The following IQCJ variants were observed in gnomAD, a reference collection of about 807,000 sequenced individuals.
IQCJ encodes IQ motif containing J.
In IQCJ, 9 loss-of-function variants were observed where a neutral mutation model predicts 11.0. The ratio of observed to expected loss-of-function variants is 0.82; its 90% CI spans 0.49 to 1.43. IQCJ has a LOEUF of 1.43. IQCJ is among the 40% of genes most tolerant of loss of function. The pLI is 0.00. For missense variants in IQCJ, 146 were observed against 133.2 expected, an observed-to-expected ratio of 1.10 and a Z score of -0.47; for synonymous variants, 55 against 51.3, an observed-to-expected ratio of 1.07 and a Z score of -0.31.
At chr3:159,119,538 A>G (rs1357918892) in intron 1 of IQCJ, among the ~76,000 whole-genome samples, 4 of 152,228 alleles carry the variant, frequency 2.6e-5, no homozygotes, top group African/African-American at 9.6e-5. Flanking sequence ...GAAGATGTTT[A>G]CTAGTAAAAC....
At chr3:159,221,296 A>G (rs1282587333) in intron 1 of IQCJ, among the ~76,000 whole-genome samples, 2 of 152,178 alleles carry the variant, frequency 1.3e-5, no homozygotes, top group African/African-American at 4.8e-5. Context: ...ATTTAATAAT[A>G]TAATCAATAT....
intron 1 of IQCJ, among the ~76,000 whole-genome samples, chr3:159,166,187 G>A (rs1722158807): frequency 6.6e-6 from 1 of 151,884 alleles, no homozygotes; most frequent in African/African-American, 2.4e-5. Flanking sequence ...AATACCAGCA[G>A]CATGTGATAA....
chr3:159,239,298 T>C (rs1237138705), intron 1 of IQCJ, among the ~76,000 whole-genome samples: 1 of 152,210 alleles, frequency 6.6e-6, no homozygotes, highest in Admixed American at 6.5e-5. Flanking sequence ...ATTGACCTTA[T>C]GTTTAATATG....
At chr3:159,168,882 C>T (rs1722325401) in intron 1 of IQCJ, among the ~76,000 whole-genome samples, 1 of 151,958 alleles carries the variant, frequency 6.6e-6, no homozygotes, top group Non-Finnish European at 1.5e-5. Flanking sequence ...AGTTACTCTT[C>T]CATGGGAATT....
intron 1 of IQCJ, among the ~76,000 whole-genome samples, chr3:159,133,194 G>A (rs1384490039): frequency 6.6e-6 from 1 of 152,186 alleles, no homozygotes; most frequent in African/African-American, 2.4e-5. Context: ...GTGGTTCTCA[G>A]GGAAAACCAG....
intron 1 of IQCJ, among the ~76,000 whole-genome samples, chr3:159,073,376 T>C (rs530726364): frequency 6.6e-6 from 1 of 152,060 alleles, no homozygotes; most frequent in East Asian, 1.9e-4. Context: ...ACAAAATGTA[T>C]CATAGGAACT....
At chr3:159,134,550 A>C (rs1720177388) in intron 1 of IQCJ, among the ~76,000 whole-genome samples, 1 of 152,186 alleles carries the variant, frequency 6.6e-6, no homozygotes, top group South Asian at 2.1e-4. Context: ...TTATACAAAG[A>C]AGAGTATACA....
intron 1 of IQCJ, among the ~76,000 whole-genome samples, chr3:159,229,964 A>G (rs1726147599): frequency 6.8e-6 from 1 of 146,124 alleles, no homozygotes; most frequent in Non-Finnish European, 1.5e-5. Flanking sequence ...CATGTGTAGG[A>G]TTGTTACATG....
intron 1 of IQCJ, among the ~76,000 whole-genome samples, chr3:159,152,983 C>G (rs1449155124): frequency 6.6e-6 from 1 of 152,130 alleles, no homozygotes; most frequent in Non-Finnish European, 1.5e-5. Flanking sequence ...TACTTCATAA[C>G]TGAAAAAATT....
chr3:159,079,656 G>A (rs1716177220), intron 1 of IQCJ, among the ~76,000 whole-genome samples: 1 of 151,966 alleles, frequency 6.6e-6, no homozygotes, highest in Non-Finnish European at 1.5e-5. Context: ...AGCACTGAAT[G>A]CACAGTTTAT....
chr3:159,094,005 C>T (rs750016276), intron 1 of IQCJ, among the ~76,000 whole-genome samples: 6 of 151,774 alleles, frequency 4.0e-5, no homozygotes, highest in Admixed American at 6.5e-5. Context: ...CAGTAAGAAG[C>T]CTTTGTCAGT....
At chr3:159,116,325 A>G (rs991793734) in intron 1 of IQCJ, among the ~76,000 whole-genome samples, 2 of 152,046 alleles carry the variant, frequency 1.3e-5, no homozygotes, top group African/African-American at 2.4e-5. Flanking sequence ...TAATCTTTCA[A>G]AATTCTCACT....
intron 1 of IQCJ, among the ~76,000 whole-genome samples, chr3:159,162,465 T>C (rs1172894107): frequency 6.6e-6 from 1 of 152,222 alleles, no homozygotes; most frequent in African/African-American, 2.4e-5. Flanking sequence ...TATACAATCA[T>C]GTCATCTGCA....
intron 1 of IQCJ, among the ~76,000 whole-genome samples, chr3:159,159,484 C>T (rs1721713667): frequency 6.6e-6 from 1 of 152,142 alleles, no homozygotes. Context: ...GTCAATACAG[C>T]TAGATAGTTA....
chr3:159,201,412 G>A (rs575915458), intron 1 of IQCJ, among the ~76,000 whole-genome samples: 1 of 152,128 alleles, frequency 6.6e-6, no homozygotes, highest in East Asian at 1.9e-4. Flanking sequence ...GAAAAAATGC[G>A]ACTTAGAAAA....
At chr3:159,126,318 A>G (rs1719676555) in intron 1 of IQCJ, among the ~76,000 whole-genome samples, 1 of 152,210 alleles carries the variant, frequency 6.6e-6, no homozygotes, top group African/African-American at 2.4e-5. Flanking sequence ...GGCTGTGAAG[A>G]ACAACAGAGA....
intron 1 of IQCJ, among the ~76,000 whole-genome samples, chr3:159,225,887 A>G (rs1725826390): frequency 6.6e-6 from 1 of 152,212 alleles, no homozygotes; most frequent in South Asian, 2.1e-4. Flanking sequence ...CAAACTGGGG[A>G]TTCCCATGAT....
At chr3:159,087,525 T>A (rs1198569244) in intron 1 of IQCJ, among the ~76,000 whole-genome samples, 2 of 152,040 alleles carry the variant, frequency 1.3e-5, no homozygotes, top group Non-Finnish European at 2.9e-5. Context: ...CTGGTAAAAT[T>A]CAGCTGTGAA....
chr3:159,081,135 T>C (rs900631085), intron 1 of IQCJ, among the ~76,000 whole-genome samples: 1 of 152,134 alleles, frequency 6.6e-6, no homozygotes, highest in Admixed American at 6.6e-5. Flanking sequence ...TGCTCTGCCA[T>C]TCTCAGTGCT....
Sources: gnomAD v4.1 joint callset for allele counts (sites outside exome capture counted in the v4.1 genomes callset) on GRCh38, gnomAD v4.1.1 for gene constraint, MANE v1.5 for transcripts, NCBI Gene and HGNC (gene_info 2026-07-23, HGNC 2026-07-21) for gene names.